The following GNG7 variants were observed in gnomAD, a reference collection of about 807,000 sequenced individuals.
GNG7 encodes the protein guanine nucleotide-binding protein G(I)/G(S)/G(O) subunit gamma-7.
In GNG7, 1 loss-of-function variant was observed where a neutral mutation model predicts 4.0. That is an observed-to-expected ratio of 0.25 (90% CI 0.09 to 1.18). The LOEUF (loss-of-function observed/expected upper bound fraction) is 1.18. Ranked by LOEUF, GNG7 falls within the 50% of genes most tolerant of loss-of-function variation. The pLI is 0.50. For synonymous variants in GNG7, 34 were observed against 36.9 expected, an observed-to-expected ratio of 0.92 and a Z score of 0.29; for missense variants, 86 against 91.9, an observed-to-expected ratio of 0.94 and a Z score of 0.26.
chr19:2,615,620 G>A (rs944406322), intron 2 of GNG7, among the ~76,000 whole-genome samples: 3 of 151,604 alleles, frequency 2.0e-5, no homozygotes, highest in African/African-American at 4.8e-5. Context: ...CCACCACCAC[G>A]CCTGGCTAAT....
At chr19:2,619,704 T>C (rs1182670517) in intron 2 of GNG7, among the ~76,000 whole-genome samples, 2 of 152,046 alleles carry the variant, frequency 1.3e-5, no homozygotes, top group Non-Finnish European at 2.9e-5. Flanking sequence ...TTCTACGAAA[T>C]GTCCAGGACA....
In GNG7 at chr19:2,516,872, C is replaced by G. The variant is rs553946185; in HGVS notation, c.82-1725G>C. 7.2e-5 allele frequency: 11 copies of G among 152,642 alleles called. No homozygotes were observed. In the South Asian group the frequency reaches 1.9e-3, roughly 26 times the overall value. 9.5% of individuals were successfully genotyped at this position (152,642 alleles called of 1,614,324 possible). A position where few individuals can be genotyped will look rare whatever the true frequency, so the allele number is the denominator to read the frequency against. ...CTGCCCCGGGCTGCTGCCAGCCCGC[C>G]CCAGGCTACACGCCCGTCTCTCCTG... On this transcript the variant is annotated intron_variant, in intron 4 of 4. Coordinates refer to ENST00000382159, the MANE Select transcript of GNG7 (RefSeq NM_052847.3).
At position 2,532,747 on chromosome 19, in the gene GNG7, C is replaced by T. The variant is rs1406096303; in HGVS notation, c.-37-12022G>A. Among the ~76,000 whole-genome samples the T allele has an allele frequency of 3.9e-5, 6 of 152,164 alleles. 1 individual carries two copies. In the East Asian group the frequency reaches 5.8e-4, roughly 15 times the overall value. Reference sequence around the variant, plus strand: ...TATGAATTAAAGTCATCAAGAGAGACTGCCTCTCAACCACTAGAGTGGCAA... The same window carrying T: ...TATGAATTAAAGTCATCAAGAGAGATTGCCTCTCAACCACTAGAGTGGCAA... On this transcript the variant is annotated intron_variant, in intron 3 of 4. Transcript: ENST00000382159.
intron 2 of GNG7, among the ~76,000 whole-genome samples, chr19:2,621,833 G>A (rs920002338): frequency 3.3e-5 from 5 of 152,124 alleles, no homozygotes; most frequent in African/African-American, 4.8e-5. Context: ...CAGAGGACGC[G>A]GAAGGATCCT....
chr19:2,580,920 A>G (rs971595449), intron 2 of GNG7, among the ~76,000 whole-genome samples: 4 of 151,812 alleles, frequency 2.6e-5, no homozygotes, highest in Non-Finnish European at 5.9e-5. Context: ...GTGCACCACC[A>G]CGCCCGGCTA....
chr19:2,554,561 T>TA (rs1568241676), intron 3 of GNG7, among the ~76,000 whole-genome samples: 1,065 of 42,368 alleles, frequency 0.025, 3 homozygotes, highest in Non-Finnish European at 0.028. Flanking sequence ...ATATATATAT[T>TA]TTTTTTTTTT....
intron 2 of GNG7, among the ~76,000 whole-genome samples, chr19:2,605,012 G>C (rs959309765): frequency 2.0e-5 from 3 of 152,124 alleles, no homozygotes; most frequent in African/African-American, 7.2e-5. Context: ...GATTCTCTAT[G>C]GCTCTGGAGG....
intron 2 of GNG7, among the ~76,000 whole-genome samples, chr19:2,597,912 AAG>A (rs1981074640): frequency 6.6e-6 from 1 of 151,698 alleles, no homozygotes; most frequent in South Asian, 2.1e-4. Context: ...AAAAAAAAAA[AAG>A]AAATTAAATT....
intron 1 of GNG7, among the ~76,000 whole-genome samples, chr19:2,667,646 G>A (rs1343454728): frequency 6.6e-6 from 1 of 152,142 alleles, no homozygotes; most frequent in East Asian, 1.9e-4. Context: ...CGAGCGCAAT[G>A]GCTCATGCCT....
chr19:2,680,420 G>T (rs1222622748), intron 1 of GNG7, among the ~76,000 whole-genome samples: 1 of 151,954 alleles, frequency 6.6e-6, no homozygotes, highest in African/African-American at 2.4e-5. Context: ...AAAGTGCTGG[G>T]ATTACAGGCA....
chr19:2,688,718 G>A (rs897804281), intron 1 of GNG7, among the ~76,000 whole-genome samples: 3 of 152,032 alleles, frequency 2.0e-5, no homozygotes, highest in African/African-American at 7.2e-5. Flanking sequence ...GGGCAGGAAA[G>A]GACATTAGGG....
At chr19:2,616,771 CA>C (rs960930597) in intron 2 of GNG7, among the ~76,000 whole-genome samples, 36 of 144,808 alleles carry the variant, frequency 2.5e-4, no homozygotes, top group African/African-American at 2.3e-4. Context: ...AACCCCATCT[CA>C]AAAAAAAAAA....
intron 3 of GNG7, among the ~76,000 whole-genome samples, chr19:2,535,704 T>G (rs1225199765): frequency 6.6e-6 from 1 of 152,184 alleles, no homozygotes; most frequent in Non-Finnish European, 1.5e-5. Context: ...CACATGTTTT[T>G]TAATGGCTTC....
intron 3 of GNG7, among the ~76,000 whole-genome samples, chr19:2,548,955 G>T (rs1407247495): frequency 3.9e-5 from 6 of 152,160 alleles, no homozygotes; most frequent in African/African-American, 1.4e-4. Context: ...ATCCCGACAG[G>T]TTCAAGTGAC....
chr19:2,674,152 C>G (rs1352779738), intron 1 of GNG7, among the ~76,000 whole-genome samples: 1 of 152,138 alleles, frequency 6.6e-6, no homozygotes, highest in Non-Finnish European at 1.5e-5. Flanking sequence ...ATAATCCCAG[C>G]TACTCCAGAG....
At chr19:2,551,394 G>A (rs78320631) in intron 3 of GNG7, among the ~76,000 whole-genome samples, 6,546 of 152,156 alleles carry the variant, frequency 0.043, 509 homozygotes, top group African/African-American at 0.15. Context: ...GTCATCCTGA[G>A]TGTCATTTGT....
At chr19:2,690,650 G>A (rs899822610) in intron 1 of GNG7, among the ~76,000 whole-genome samples, 1 of 151,896 alleles carries the variant, frequency 6.6e-6, no homozygotes, top group Admixed American at 6.6e-5. Flanking sequence ...CTGGAGTGCA[G>A]TGGCACAATC....
At chr19:2,645,788 C>T (rs895569148) in intron 2 of GNG7, among the ~76,000 whole-genome samples, 7 of 152,172 alleles carry the variant, frequency 4.6e-5, no homozygotes, top group African/African-American at 1.4e-4. Flanking sequence ...TTAAAAGCCA[C>T]TCATGATTCT....
At position 2,673,257 on chromosome 19, in the gene GNG7, CA is replaced by C. The variant is rs754605877; in HGVS notation, c.-134-26978del. ...TGGGTGACAGAGCGAGATTCCATCT[CA>C]AAAAAAAAACAAAACAAAACAAAAC... is the stretch of plus-strand genomic sequence containing the variant. On this transcript the variant is annotated intron_variant, in intron 1 of 4. Coordinates refer to ENST00000382159, the MANE Select transcript of GNG7 (RefSeq NM_052847.3). Among the ~76,000 whole-genome samples the C allele has an allele frequency of 3.0e-3, 328 of 108,224 alleles. 7 individuals carry two copies. The highest frequency in any genetic ancestry group is 7.5e-3 in the African/African-American group (228 of 30,322). The allele number at this position is 108,224 out of a possible 152,430, so 71.0% of individuals were successfully genotyped here. A position where few individuals can be genotyped will look rare whatever the true frequency, so the allele number is the denominator to read the frequency against.
Sources: allele counts gnomAD v4.1 joint callset (sites outside exome capture counted in the v4.1 genomes callset), GRCh38; gene constraint gnomAD v4.1.1; transcripts MANE v1.5; gene names NCBI Gene and HGNC (gene_info 2026-07-23, HGNC 2026-07-21).